The following ZC3H12B variants were observed in gnomAD, a reference collection of about 807,000 sequenced individuals.
The protein encoded by ZC3H12B is zinc finger CCCH-type containing 12B, also known as probable ribonuclease ZC3H12B.
ZC3H12B carries 7 observed loss-of-function variants against 43.9 expected under a neutral mutation model. That is an observed-to-expected ratio of 0.16 (90% CI 0.09 to 0.30). ZC3H12B has a LOEUF of 0.30. ZC3H12B is among the 10% of genes least tolerant of loss of function. The pLI is 1.00. For synonymous variants in ZC3H12B, 222 were observed against 241.7 expected (o/e 0.92, Z 0.76); for missense variants, 475 against 670.2 (o/e 0.71, Z 3.22).
the ZC3H12B span, among the ~76,000 whole-genome samples, chrX:65,290,802 T>A: frequency 9.0e-6 from 1 of 110,663 alleles, no homozygotes; most frequent in Admixed American, 9.6e-5. Flanking sequence ...GTAAAAAAAT[T>A]TGAACACAAG....
intron 3 of ZC3H12B, among the ~76,000 whole-genome samples, chrX:65,428,167 G>A (rs1484621388): frequency 1.8e-5 from 2 of 111,801 alleles, no homozygotes; most frequent in South Asian, 3.8e-4. Flanking sequence ...AGGTGGCCTG[G>A]CCTTTATGTC....
the ZC3H12B span, among the ~76,000 whole-genome samples, chrX:65,154,102 G>T: frequency 9.0e-6 from 1 of 110,829 alleles, no homozygotes; most frequent in South Asian, 3.8e-4. Context: ...AGGGGGCAGG[G>T]ATAACATTAG....
chrX:65,334,509 A>G, the ZC3H12B span, among the ~76,000 whole-genome samples: 6 of 112,372 alleles, frequency 5.3e-5, no homozygotes, highest in Admixed American at 9.5e-5. Flanking sequence ...AGATTACTTA[A>G]GTCATGTAAA....
At chrX:65,123,001 T>C in the ZC3H12B span, among the ~76,000 whole-genome samples, 1 of 112,044 alleles carries the variant, frequency 8.9e-6, no homozygotes, top group East Asian at 2.8e-4. Flanking sequence ...ACAAGTCTTG[T>C]GCCAGTTTTC....
At chrX:65,176,620 A>T in the ZC3H12B span, among the ~76,000 whole-genome samples, 1 of 112,106 alleles carries the variant, frequency 8.9e-6, no homozygotes, top group East Asian at 2.8e-4. Context: ...CCACAGAAAT[A>T]CCAACTACCA....
At chrX:65,387,361 T>C (rs922991229) in intron 2 of ZC3H12B, among the ~76,000 whole-genome samples, 2 of 112,017 alleles carry the variant, frequency 1.8e-5, no homozygotes, top group African/African-American at 6.5e-5. Flanking sequence ...GATAGTTAGA[T>C]TTTCTTGTGG....
the ZC3H12B span, among the ~76,000 whole-genome samples, chrX:65,125,732 G>T: frequency 4.3e-4 from 48 of 110,513 alleles, no homozygotes; most frequent in East Asian, 3.7e-3. Flanking sequence ...TTCCTTCTTT[G>T]TCTATTAAAC....
chrX:65,486,822 A>G (rs1225070854), upstream of ZC3H12B, among the ~76,000 whole-genome samples: 1 of 112,548 alleles, frequency 8.9e-6, no homozygotes. Flanking sequence ...TAAACATTCT[A>G]TGGTCCACTA....
the ZC3H12B span, among the ~76,000 whole-genome samples, chrX:65,159,474 T>G: frequency 5.4e-5 from 6 of 111,739 alleles, no homozygotes; most frequent in Non-Finnish European, 1.9e-5. Context: ...CTTCAGGAGG[T>G]CCTTCACATC....
the ZC3H12B span, among the ~76,000 whole-genome samples, chrX:65,212,199 A>T: frequency 6.3e-5 from 3 of 47,665 alleles, no homozygotes; most frequent in African/African-American, 2.7e-4. Context: ...TATATAATAT[A>T]ATTATTATAT....
At chrX:65,204,165 T>A in the ZC3H12B span, among the ~76,000 whole-genome samples, 1 of 104,197 alleles carries the variant, frequency 9.6e-6, no homozygotes, top group African/African-American at 4.3e-5. Context: ...CTTCAGTGCC[T>A]TTTTAAGGAA....
At chrX:65,151,571 A>G in the ZC3H12B span, among the ~76,000 whole-genome samples, 1 of 111,881 alleles carries the variant, frequency 8.9e-6, no homozygotes, top group South Asian at 3.7e-4. Context: ...AATTCCCCTA[A>G]TCTTTAAAGG....
intron 3 of ZC3H12B, among the ~76,000 whole-genome samples, chrX:65,455,755 C>G (rs1272889774): frequency 8.9e-6 from 1 of 111,998 alleles, no homozygotes; most frequent in Non-Finnish European, 1.9e-5. Context: ...CAAAGGGAAG[C>G]CCATCAAACT....
chrX:65,474,682 C>T (rs1305405848), intron 3 of ZC3H12B, among the ~76,000 whole-genome samples: 2 of 111,138 alleles, frequency 1.8e-5, no homozygotes, highest in African/African-American at 3.3e-5. Flanking sequence ...ACAATCTCAG[C>T]TCACTGCAGC....
chrX:65,485,473 TCTCA>T (rs1178151384), upstream of ZC3H12B, among the ~76,000 whole-genome samples: 2 of 112,243 alleles, frequency 1.8e-5, no homozygotes, highest in African/African-American at 3.2e-5. Flanking sequence ...CCCAGGCTGG[TCTCA>T]AATCCTGGGC....
chrX:65,389,710 G>A (rs1032141932), intron 2 of ZC3H12B, among the ~76,000 whole-genome samples: 26 of 112,297 alleles, frequency 2.3e-4, no homozygotes, highest in Admixed American at 1.3e-3. Flanking sequence ...GAAATCACCC[G>A]TCTTCTGCGT....
the ZC3H12B span, among the ~76,000 whole-genome samples, chrX:65,289,032 A>T: frequency 9.0e-6 from 1 of 111,075 alleles, no homozygotes; most frequent in East Asian, 2.8e-4. Flanking sequence ...TAAATTTAAT[A>T]TAGGAGGTAA....
chrX:65,477,591 G>C (rs944344274), intron 3 of ZC3H12B, among the ~76,000 whole-genome samples: 5 of 110,506 alleles, frequency 4.5e-5, no homozygotes, highest in Non-Finnish European at 9.5e-5. Context: ...CTGAGGTCAG[G>C]TCTCTACTAA....
At chrX:65,221,771 A>G in the ZC3H12B span, among the ~76,000 whole-genome samples, 2 of 111,525 alleles carry the variant, frequency 1.8e-5, no homozygotes, top group Non-Finnish European at 3.8e-5. Context: ...GCATTCAAAG[A>G]AGAATTGGTG....
Sources: gnomAD v4.1 joint callset for allele counts (sites outside exome capture counted in the v4.1 genomes callset) on GRCh38, gnomAD v4.1.1 for gene constraint, MANE v1.5 for transcripts, NCBI Gene and HGNC (gene_info 2026-07-23, HGNC 2026-07-21) for gene names.